The following RRM1 variants were observed in gnomAD, a reference collection of about 807,000 sequenced individuals.
RRM1 encodes the protein ribonucleoside-diphosphate reductase large subunit.
Under a neutral mutation model 101.5 loss-of-function variants are expected in RRM1, and 19 were observed. That is an observed-to-expected ratio of 0.19 (90% CI 0.13 to 0.27). RRM1 has a LOEUF of 0.27. Ranked by LOEUF, RRM1 falls within the 10% of genes least tolerant of loss-of-function variation. The pLI is 1.00. For missense variants in RRM1, 500 were observed against 962.9 expected, an observed-to-expected ratio of 0.52 and a Z score of 6.36; for synonymous variants, 298 against 323.4, an observed-to-expected ratio of 0.92 and a Z score of 0.84.
chr11:4,100,194 G>C (rs1381955761), intron 1 of RRM1, among the ~76,000 whole-genome samples: 2 of 152,244 alleles, frequency 1.3e-5, no homozygotes, highest in Non-Finnish European at 1.5e-5. Flanking sequence ...TGGGTTAATA[G>C]TGATGTCTTA....
At chr11:4,130,068 A>ATT (rs1391764372) in intron 15 of RRM1, among the ~76,000 whole-genome samples, 1 of 87,998 alleles carries the variant, frequency 1.1e-5, no homozygotes, top group African/African-American at 6.2e-5. Context: ...TACTGTATTT[A>ATT]TATATATATA....
At chr11:4,137,440 C>T (rs1177221058) in intron 18 of RRM1, among the ~76,000 whole-genome samples, 5 of 143,200 alleles carry the variant, frequency 3.5e-5, no homozygotes, top group African/African-American at 7.9e-5. Context: ...GCTGGCCGGG[C>T]GGGGGGCTCA....
chr11:4,115,244 A>G lies in RRM1; in HGVS notation c.651-3076A>G, dbSNP rs1186701259. On this transcript the variant is annotated intron_variant, in intron 7 of 18. Coordinates refer to ENST00000300738, the MANE Select transcript of RRM1 (RefSeq NM_001033.5). The stretch of plus-strand genomic sequence containing the variant: ...CTGGAACCTGTAAATGTTACCTGAT[A>G]AGGAAAGTGGTCTTTGTAGAGATGA... 3.9e-5 allele frequency among the ~76,000 whole-genome samples: 6 copies of G among 152,306 alleles called. No individual in the cohort carries two copies. In the South Asian group the frequency reaches 1.0e-3, roughly 26 times the overall value.
chr11:4,137,257 C>T (rs970113882), intron 18 of RRM1: 108 of 250,386 alleles, frequency 4.3e-4, no homozygotes, highest in Non-Finnish European at 7.9e-4. Flanking sequence ...CCATTGTCAT[C>T]TTGGCCCGTT....
chr11:4,121,804 C>A, intron 10 of RRM1, 39 bp downstream of exon 10: 1 of 1,538,396 alleles, frequency 6.5e-7, no homozygotes, highest in Non-Finnish European at 8.8e-7. Context: ...CAACTTGATT[C>A]ACATGAGCTT....
chr11:4,138,838 A>G lies in RRM1; in HGVS notation c.*455A>G, dbSNP rs948987682. 1.6e-5 allele frequency: 3 copies of G among 192,300 alleles called. No homozygotes were observed. Among genetic ancestry groups the G allele is most frequent in the Non-Finnish European group, 3.3e-5 (3 of 92,076 alleles). 11.9% of individuals were successfully genotyped at this position (192,300 alleles called of 1,614,324 possible). ...AGGACCTTTATCTGGATATGGTCCT[A>G]TAGGTTATTCTGAAATAAAGATAAA... On this transcript the variant is annotated 3_prime_UTR_variant, in exon 19 of 19. Coordinates refer to ENST00000300738, the MANE Select transcript of RRM1 (RefSeq NM_001033.5).
Position 4,132,541 on chromosome 11 carries a change from C to G in RRM1, c.1905+120C>G. 1 of 819,450 alleles carries G rather than the reference C, an allele frequency of 1.2e-6. No homozygotes were observed. The highest frequency in any genetic ancestry group is 1.8e-5 in the South Asian group (1 of 57,088). 50.8% of individuals were successfully genotyped at this position (819,450 alleles called of 1,614,324 possible). A position where few individuals can be genotyped will look rare whatever the true frequency, so the allele number is the denominator to read the frequency against. Reference sequence around the variant, plus strand: ...GTTTGGGTGCAAACTTTGATAAAGACAGTCATCTTCATCTCTAATATTATT... The same window carrying G: ...GTTTGGGTGCAAACTTTGATAAAGAGAGTCATCTTCATCTCTAATATTATT... On this transcript the variant is annotated intron_variant, in intron 16 of 18. Coordinates refer to ENST00000300738, the MANE Select transcript of RRM1 (RefSeq NM_001033.5). The surrounding 1 kb of genome is among the most constrained non-coding windows in gnomAD (Gnocchi z 4.1).
At chr11:4,105,554 T>C in intron 2 of RRM1, 1 of 413,150 alleles carries the variant, frequency 2.4e-6, no homozygotes, top group South Asian at 1.8e-5. Context: ...GTGATGTGAA[T>C]TTGATTGTTT....
rs1269098246 is a variant in RRM1 at position 4,094,975 on chromosome 11, C to T, written c.-38C>T. On this transcript the variant is annotated 5_prime_UTR_variant, in exon 1 of 19. Transcript: ENST00000300738. ...CCGCCGGCGCTTTAGAGCCGCAGTC[C>T]AGTCTTGGATCCTTCAGAGCCTCAG... The T allele has an allele frequency of 1.9e-6, 3 of 1,555,098 alleles. No individual in the cohort carries two copies. Among genetic ancestry groups the T allele is most frequent in the Admixed American group, 1.9e-5 (1 of 51,468 alleles).
chr11:4,110,824 A>C (rs1412003440), intron 5 of RRM1, among the ~76,000 whole-genome samples: 3 of 151,630 alleles, frequency 2.0e-5, no homozygotes, highest in Admixed American at 1.3e-4. Flanking sequence ...TCTAAACAAC[A>C]TATACACTCA....
At chr11:4,094,691 G>C (rs2094540223), upstream of RRM1, 1 of 471,314 alleles carries the variant, frequency 2.1e-6, no homozygotes, top group Non-Finnish European at 3.9e-6. Flanking sequence ...TAGTCTTCTG[G>C]GTCTTGCCCA....
At chr11:4,126,253 C>T (rs1195626918) in intron 12 of RRM1, among the ~76,000 whole-genome samples, 1 of 152,176 alleles carries the variant, frequency 6.6e-6, no homozygotes, top group African/African-American at 2.4e-5. Context: ...GGCTATTGAG[C>T]ACTTGAAATA....
intron 1 of RRM1, among the ~76,000 whole-genome samples, chr11:4,097,247 C>T (rs61897257): frequency 3.5e-5 from 5 of 140,958 alleles, no homozygotes; most frequent in South Asian, 4.6e-4. Flanking sequence ...CCATTGCACT[C>T]CAGTCTAGGC....
intron 8 of RRM1, among the ~76,000 whole-genome samples, chr11:4,118,865 C>G (rs553674496): frequency 6.6e-6 from 1 of 152,062 alleles, no homozygotes; most frequent in African/African-American, 2.4e-5. Flanking sequence ...TTAAAATAAC[C>G]TTGTGAATAA....
At chr11:4,131,627 G>T (rs1404197192) in intron 15 of RRM1, among the ~76,000 whole-genome samples, 1 of 152,196 alleles carries the variant, frequency 6.6e-6, no homozygotes, top group Non-Finnish European at 1.5e-5. Context: ...TATCAATTAG[G>T]CTGAGCTTTG....
intron 17 of RRM1, 119 bp downstream of exon 17, chr11:4,133,777 G>A: frequency 1.7e-6 from 1 of 597,368 alleles, no homozygotes; most frequent in South Asian, 2.2e-5. Context: ...TTTTGCTTGT[G>A]TAGCTCTGTT....
At chr11:4,099,358 G>A (rs1590709754) in intron 1 of RRM1, 1 of 130,394 alleles carries the variant, frequency 7.7e-6, no homozygotes, top group East Asian at 2.4e-4. Context: ...GGCTAGACTG[G>A]TCTCGAACTC....
intron 2 of RRM1, among the ~76,000 whole-genome samples, chr11:4,105,038 T>C (rs901911245): frequency 3.3e-5 from 5 of 152,124 alleles, no homozygotes; most frequent in African/African-American, 1.2e-4. Context: ...AAATATAGAA[T>C]CATTAGTATG....
intron 3 of RRM1, 62 bp downstream of exon 3, chr11:4,106,285 A>C: frequency 7.3e-7 from 1 of 1,373,546 alleles, no homozygotes. Flanking sequence ...GGGTACTAGA[A>C]ATAAATCTTG....
Sources: allele counts gnomAD v4.1 joint callset (sites outside exome capture counted in the v4.1 genomes callset), GRCh38; gene constraint gnomAD v4.1.1; non-coding constraint Gnocchi (gnomAD v3.1); transcripts MANE v1.5; gene names NCBI Gene and HGNC (gene_info 2026-07-23, HGNC 2026-07-21).